PPT2: variants seen among roughly 807,000 people sequenced by gnomAD.
PPT2 encodes the protein lysosomal thioesterase PPT2.
Under a neutral mutation model 37.3 loss-of-function variants are expected in PPT2, and 20 were observed. That is an observed-to-expected ratio of 0.54 (90% CI 0.38 to 0.78). PPT2 has a LOEUF of 0.78. PPT2 is among the 30% of genes least tolerant of loss of function. PPT2 has a pLI of 0.00. For missense variants in PPT2, 270 were observed against 389.8 expected, an observed-to-expected ratio of 0.69 and a Z score of 2.59; for synonymous variants, 135 against 159.1, an observed-to-expected ratio of 0.85 and a Z score of 1.14.
rs763672485 is a variant in PPT2 at position 32,162,643 on chromosome 6, TC to T, written c.765+25del. ...AACTGGTGAGCCCCCTGGGATTACT[TC>T]CCCTTCTAGCCGCTGTCCCACCTTA... On this transcript the variant is annotated intron_variant, in intron 8 of 8. Transcript: ENST00000324816. The surrounding 1 kb of genome is among the most constrained non-coding windows in gnomAD (Gnocchi z 5.5). 6.3e-7 allele frequency: 1 copy of T among 1,595,244 alleles called. No homozygotes were observed. Among genetic ancestry groups the T allele is most frequent in the Non-Finnish European group, 8.6e-7 (1 of 1,162,880 alleles).
chr6:32,163,166 A>T lies in PPT2; in HGVS notation c.*216A>T, dbSNP rs758637521. ...GACAATTCCAGGCCTCCCCTACCTCATGTCCTCTCATTTGGGGGATTGCTC... is the reference window on the plus strand; with the variant it reads ...GACAATTCCAGGCCTCCCCTACCTCTTGTCCTCTCATTTGGGGGATTGCTC... On this transcript the variant is annotated 3_prime_UTR_variant, in exon 9 of 9. Coordinates refer to ENST00000324816, the MANE Select transcript of PPT2 (RefSeq NM_005155.7). The T allele has an allele frequency of 1.2e-5, 7 of 576,706 alleles. No homozygotes were observed. Among genetic ancestry groups the T allele is most frequent in the Non-Finnish European group, 2.1e-5 (7 of 330,676 alleles). The allele number at this position is 576,706 out of a possible 1,614,324, so 35.7% of individuals were successfully genotyped here.
intron 7 of PPT2, among the ~76,000 whole-genome samples, chr6:32,161,245 AG>A (rs1300382047): frequency 6.6e-6 from 1 of 152,180 alleles, no homozygotes; most frequent in Non-Finnish European, 1.5e-5. Flanking sequence ...GATCCAAATC[AG>A]GATCTTGAGT....
intron 7 of PPT2, among the ~76,000 whole-genome samples, chr6:32,159,141 C>T (rs1011627680): frequency 2.0e-5 from 3 of 151,920 alleles, no homozygotes; most frequent in African/African-American, 7.3e-5. Context: ...ACCGTATACC[C>T]ATTAAAAAAT....
At position 32,157,917 on chromosome 6, in the gene PPT2, C is replaced by G. The variant is rs556550910; in HGVS notation, c.703C>G (p.Gln235Glu). ...TGATGATGGTGTTATTACTCCCTGG[C>G]AGTCCAGGTAATAAGGGATTTTGTG... ...GPDDGVITPW[Q>E]SSFFGFYDAN... Residue 235 changes from glutamine (Q) to glutamate (E), a missense_variant, in exon 7 of 9, where the codon CAG becomes GAG. By Grantham distance (29) the Gln-to-Glu change is conservative. Coordinates refer to ENST00000324816, the MANE Select transcript of PPT2 (RefSeq NM_005155.7). 27 of 1,609,372 alleles carry G rather than the reference C, an allele frequency of 1.7e-5. No homozygotes were observed. The South Asian group carries it at 2.6e-4, about 16-fold the overall frequency.
rs144778647 is a variant in PPT2 at position 32,162,909 on chromosome 6, C to G, written c.868C>G (p.Arg290Gly). The part of the protein sequence containing the change: ...GISHTAWHSN[R>G]TLYETCIEPW... ...CTCCCACACAGCCTGGCACTCCAAC[C>G]GTACCCTTTATGAGACCTGCATTGA... Residue 290 changes from arginine to glycine, a missense_variant, in exon 9 of 9, where the codon CGT becomes GGT. Transcript: ENST00000324816. This position sits in a 1 kb window ranked among gnomAD's most constrained non-coding sequence, Gnocchi z 5.5. 7 of 1,614,116 alleles carry G rather than the reference C, an allele frequency of 4.3e-6. No homozygotes were observed. Among genetic ancestry groups the G allele is most frequent in the Non-Finnish European group, 5.9e-6 (7 of 1,179,998 alleles).
chr6:32,160,203 C>G (rs561146244), intron 7 of PPT2, among the ~76,000 whole-genome samples: 1 of 147,874 alleles, frequency 6.8e-6, no homozygotes, highest in South Asian at 2.2e-4. Context: ...CGCCACCACG[C>G]CCGGCTAATT....
Position 32,154,912 on chromosome 6 carries a change from T to C in PPT2, c.184-118T>C. Reference sequence around the variant, plus strand: ...AGCTGGTGCTGGCGTGGGGGAGAGTTGGGGGACGGGATCCCTGGTTCTAGC... The same window carrying C: ...AGCTGGTGCTGGCGTGGGGGAGAGTCGGGGGACGGGATCCCTGGTTCTAGC... On this transcript the variant is annotated intron_variant, in intron 2 of 8. Transcript: ENST00000324816. The surrounding 1 kb of genome is among the most constrained non-coding windows in gnomAD (Gnocchi z 7.3). 6.5e-7 allele frequency: 1 copy of C among 1,538,548 alleles called. No individual in the cohort carries two copies. Among genetic ancestry groups the C allele is most frequent in the South Asian group, 1.2e-5 (1 of 84,422 alleles).
Position 32,154,171 on chromosome 6 carries a change from T to C in PPT2, c.-242T>C. On this transcript the variant is annotated 5_prime_UTR_variant, in exon 1 of 9. Coordinates refer to ENST00000324816, the MANE Select transcript of PPT2 (RefSeq NM_005155.7). The surrounding 1 kb of genome is among the most constrained non-coding windows in gnomAD (Gnocchi z 7.3). The stretch of plus-strand genomic sequence containing the variant: ...TCCCCTGCGCTCTCTTTCCTCACCC[T>C]TCCCCCCGCCACCGTGGGTTCCAGA... The C allele has an allele frequency of 9.2e-7, 1 of 1,090,234 alleles. No individual in the cohort carries two copies. The highest frequency in any genetic ancestry group is 1.1e-6 in the Non-Finnish European group (1 of 895,936). 67.5% of individuals were successfully genotyped at this position (1,090,234 alleles called of 1,614,324 possible).
chr6:32,157,552 A>G (rs1202395304), intron 5 of PPT2, 85 bp from the exon 6 acceptor site: 6 of 1,140,634 alleles, frequency 5.3e-6, no homozygotes, highest in Non-Finnish European at 8.0e-6. Context: ...CACCTTGACT[A>G]TTGCTGCAGC....
Position 32,162,026 on chromosome 6 carries a change from A to C in PPT2, c.711-542A>C, listed in dbSNP as rs1039366146. Among the ~76,000 whole-genome samples, 1 of 151,202 alleles carries C rather than the reference A, an allele frequency of 6.6e-6. No individual in the cohort carries two copies. The highest frequency in any genetic ancestry group is 2.4e-5 in the African/African-American group (1 of 41,124). On this transcript the variant is annotated intron_variant, in intron 7 of 8. Transcript: ENST00000324816. The surrounding 1 kb of genome is among the most constrained non-coding windows in gnomAD (Gnocchi z 5.5). Reference sequence around the variant, plus strand: ...AGCCACCTCGCCCGGCCAGTAATGCATTTTTGATGGGGTTTCTACAGAAGT... The same window carrying C: ...AGCCACCTCGCCCGGCCAGTAATGCCTTTTTGATGGGGTTTCTACAGAAGT...
At position 32,155,802 on chromosome 6, in the gene PPT2, C is replaced by T. The variant is rs1206748303; in HGVS notation, c.433+19C>T. On this transcript the variant is annotated intron_variant, in intron 4 of 8. Transcript: ENST00000324816. The surrounding 1 kb of genome is among the most constrained non-coding windows in gnomAD (Gnocchi z 4.3). ...TATGGAGGTGAGTGGGCACTAGACT[C>T]CATAGAATGCCCTGAGTTTTGGGGG... 5 of 1,610,822 alleles carry T rather than the reference C, an allele frequency of 3.1e-6. No individual in the cohort carries two copies. The highest frequency in any genetic ancestry group is 2.2e-5 in the East Asian group (1 of 44,866).
chr6:32,156,948 AGG>A lies in PPT2; in HGVS notation c.542-688_542-687del, dbSNP rs1783839245. Among the ~76,000 whole-genome samples the A allele has an allele frequency of 6.6e-6, 1 of 150,498 alleles. No homozygotes were observed. The highest frequency in any genetic ancestry group is 2.1e-4 in the South Asian group (1 of 4,730). ...GTAATCCCAATATCTTGGCAGGGGG[AGG>A]TGGGCGCATCACCTGAGGTCGGGTT... On this transcript the variant is annotated intron_variant, in intron 5 of 8. Transcript: ENST00000324816. This position sits in a 1 kb window ranked among gnomAD's most constrained non-coding sequence, Gnocchi z 4.9.
At chr6:32,160,035 C>A (rs183213975) in intron 7 of PPT2, among the ~76,000 whole-genome samples, 1,831 of 150,334 alleles carry the variant, frequency 0.012, 19 homozygotes, top group African/African-American at 0.03. Flanking sequence ...ATATCTCTCT[C>A]TATATATAGA....
chr6:32,154,705 G>C lies in PPT2; in HGVS notation c.111G>C (p.Lys37Asn). Residue 37 changes from lysine (K) to asparagine (N), a missense_variant, in exon 2 of 9, where the codon AAG becomes AAC. Transcript: ENST00000324816. The surrounding 1 kb of genome is among the most constrained non-coding windows in gnomAD (Gnocchi z 7.3). ...AAPAPHRASY[K>N]PVIVVHGLFD... ...CCGCGCCCCACCGCGCGTCCTACAA[G>C]CCGGTCATCGTGGTGCATGGGCTCT... 3 of 1,613,198 alleles carry C rather than the reference G, an allele frequency of 1.9e-6. No homozygotes were observed. The highest frequency in any genetic ancestry group is 2.5e-6 in the Non-Finnish European group (3 of 1,180,028).
In PPT2 at chr6:32,157,912, C is replaced by T; in HGVS notation, c.698C>T (p.Pro233Leu). Residue 233 changes from proline (P) to leucine (L), a missense_variant, in exon 7 of 9, where the codon CCC (proline) becomes CTC (leucine). Coordinates refer to ENST00000324816, the MANE Select transcript of PPT2 (RefSeq NM_005155.7). The stretch of plus-strand genomic sequence containing the variant: ...GGCCCTGATGATGGTGTTATTACTC[C>T]CTGGCAGTCCAGGTAATAAGGGATT... The part of the protein sequence containing the change: ...IGGPDDGVIT[P>L]WQSSFFGFYD... The T allele has an allele frequency of 1.2e-6, 2 of 1,610,404 alleles. No individual in the cohort carries two copies. Among genetic ancestry groups the T allele is most frequent in the Non-Finnish European group, 1.7e-6 (2 of 1,177,832 alleles).
chr6:32,157,380 CTT>C (rs568505495), intron 5 of PPT2: 8 of 534,936 alleles, frequency 1.5e-5, no homozygotes, highest in South Asian at 1.3e-4. Flanking sequence ...GCCTGGCTAA[CTT>C]TTGTATTTTT....
intron 7 of PPT2, among the ~76,000 whole-genome samples, chr6:32,159,396 G>A (rs1783992088): frequency 7.9e-6 from 1 of 126,042 alleles, no homozygotes; most frequent in Non-Finnish European, 1.6e-5. Flanking sequence ...TTGCGCCATT[G>A]CACTCCAGCC....
At position 32,154,960 on chromosome 6, in the gene PPT2, G is replaced by A; in HGVS notation, c.184-70G>A. 3 of 1,599,080 alleles carry A rather than the reference G, an allele frequency of 1.9e-6. No homozygotes were observed. On this transcript the variant is annotated intron_variant, in intron 2 of 8. Transcript: ENST00000324816. The surrounding 1 kb of genome is among the most constrained non-coding windows in gnomAD (Gnocchi z 7.3). ...AGCAGGGTACAATAGACCTGTGGAC[G>A]CGGGCCAGGGGGTGGCGTGTGGGAG...
rs574338539 is a variant in PPT2, at chr6:32,163,520, G to A, written c.*570G>A. The stretch of plus-strand genomic sequence containing the variant: ...GTTGGGGAATATCTGTGGCCTATGA[G>A]GCCCATCTCAGGTTTGGGGATCCCC... On this transcript the variant is annotated 3_prime_UTR_variant, in exon 9 of 9. Coordinates refer to ENST00000324816, the MANE Select transcript of PPT2 (RefSeq NM_005155.7). 1 of 154,602 alleles carries A rather than the reference G, an allele frequency of 6.5e-6. No homozygotes were observed. The highest frequency in any genetic ancestry group is 6.4e-5 in the Admixed American group (1 of 15,672). 9.6% of individuals were successfully genotyped at this position (154,602 alleles called of 1,614,324 possible). A position where few individuals can be genotyped will look rare whatever the true frequency, so the allele number is the denominator to read the frequency against.
Sources: gnomAD v4.1 joint callset for allele counts (sites outside exome capture counted in the v4.1 genomes callset) on GRCh38, gnomAD v4.1.1 for gene constraint, Gnocchi (gnomAD v3.1) non-coding constraint, MANE v1.5 for transcripts, NCBI Gene and HGNC (gene_info 2026-07-23, HGNC 2026-07-21) for gene names.